PDE1C: variants seen among roughly 807,000 people sequenced by gnomAD.
The protein encoded by PDE1C is phosphodiesterase 1C, also known as dual specificity calcium/calmodulin-dependent 3',5'-cyclic nucleotide phosphodiesterase 1C.
Under a neutral mutation model 93.1 loss-of-function variants are expected in PDE1C, and 62 were observed. The ratio of observed to expected loss-of-function variants is 0.67; its 90% CI spans 0.54 to 0.82. The LOEUF (loss-of-function observed/expected upper bound fraction) is 0.82, where lower values mean the gene tolerates loss of function less well. Among genes scored for constraint, PDE1C ranks in the 40% least tolerant of loss-of-function variants. PDE1C has a pLI of 0.00. For synonymous variants in PDE1C, 325 were observed against 310.1 expected, an observed-to-expected ratio of 1.05 and a Z score of -0.50; for missense variants, 742 against 884.6, an observed-to-expected ratio of 0.84 and a Z score of 2.04.
chr7:31,997,394 A>G (rs1490665941), intron 2 of PDE1C, among the ~76,000 whole-genome samples: 1 of 152,184 alleles, frequency 6.6e-6, no homozygotes, highest in African/African-American at 2.4e-5. Flanking sequence ...CCCACTCACA[A>G]TGGTTGGATT....
chr7:32,005,829 G>A (rs559173658), intron 2 of PDE1C, among the ~76,000 whole-genome samples: 3 of 152,010 alleles, frequency 2.0e-5, no homozygotes, highest in Non-Finnish European at 4.4e-5. Flanking sequence ...TTGGATGTGC[G>A]CATTTTAAAC....
chr7:32,161,153 T>C (rs1158617674), intron 3 of PDE1C, among the ~76,000 whole-genome samples: 1 of 152,210 alleles, frequency 6.6e-6, no homozygotes, highest in Non-Finnish European at 1.5e-5. Context: ...GAAGCATCTA[T>C]GATATACCAG....
chr7:31,909,634 C>T (rs1037840795), intron 2 of PDE1C, among the ~76,000 whole-genome samples: 3 of 152,070 alleles, frequency 2.0e-5, no homozygotes, highest in Admixed American at 1.3e-4. Flanking sequence ...AATATCATAA[C>T]TTATTTGGCA....
the PDE1C span, among the ~76,000 whole-genome samples, chr7:31,689,073 C>T: frequency 6.6e-5 from 10 of 152,150 alleles, no homozygotes; most frequent in Admixed American, 4.6e-4. Context: ...CCTTGAGACC[C>T]CTCTAGAGCT....
intron 1 of PDE1C, among the ~76,000 whole-genome samples, chr7:32,413,277 G>A (rs1052816905): frequency 6.6e-6 from 1 of 152,132 alleles, no homozygotes; most frequent in African/African-American, 2.4e-5. Context: ...TATGTGATAA[G>A]GCAAGTATAT....
At chr7:32,207,851 C>G (rs975825701) in intron 2 of PDE1C, among the ~76,000 whole-genome samples, 1 of 152,174 alleles carries the variant, frequency 6.6e-6, no homozygotes, top group Non-Finnish European at 1.5e-5. Flanking sequence ...CTCCCCCCAA[C>G]CTTCGTCTGT....
the PDE1C span, among the ~76,000 whole-genome samples, chr7:31,630,953 C>G: frequency 6.6e-6 from 1 of 152,012 alleles, no homozygotes; most frequent in Non-Finnish European, 1.5e-5. Context: ...TAGAAACAGT[C>G]TTTTTAGAGA....
chr7:32,305,434 T>C (rs1031215242), intron 1 of PDE1C, among the ~76,000 whole-genome samples: 1 of 152,160 alleles, frequency 6.6e-6, no homozygotes, highest in Non-Finnish European at 1.5e-5. Flanking sequence ...TCTTCCCAGC[T>C]CTGTTAATGA....
chr7:31,648,078 A>C, the PDE1C span, among the ~76,000 whole-genome samples: 1 of 152,164 alleles, frequency 6.6e-6, no homozygotes, highest in Non-Finnish European at 1.5e-5. Flanking sequence ...CAGAAAAGAA[A>C]ATGAGATCTA....
At chr7:31,862,776 C>T (rs529039115) in intron 7 of PDE1C, among the ~76,000 whole-genome samples, 15 of 152,224 alleles carry the variant, frequency 9.9e-5, no homozygotes, top group African/African-American at 2.6e-4. Context: ...TAATAAAGGA[C>T]CCAGCATATA....
intron 7 of PDE1C, among the ~76,000 whole-genome samples, chr7:31,855,439 T>A (rs1793890618): frequency 6.6e-6 from 1 of 152,086 alleles, no homozygotes; most frequent in Admixed American, 6.5e-5. Context: ...TAAATTCTTC[T>A]GATTGTTAGC....
At chr7:31,763,395 T>C (rs550756816) in intron 17 of PDE1C, among the ~76,000 whole-genome samples, 1 of 152,272 alleles carries the variant, frequency 6.6e-6, no homozygotes, top group African/African-American at 2.4e-5. Context: ...AGGATCTTAG[T>C]GCTAAGGTCT....
chr7:31,836,372 G>C (rs933840675), intron 11 of PDE1C, among the ~76,000 whole-genome samples: 1 of 152,028 alleles, frequency 6.6e-6, no homozygotes, highest in African/African-American at 2.4e-5. Flanking sequence ...GTCTCGCGCT[G>C]TCGCCAGGCT....
intron 1 of PDE1C, among the ~76,000 whole-genome samples, chr7:32,374,256 G>GAAAGAAAGA (rs1784389218): frequency 1.5e-4 from 17 of 113,250 alleles, no homozygotes; most frequent in Non-Finnish European, 2.5e-4. Context: ...GAAAGGAAAG[G>GAAAGAAAGA]AAGAAAGAAA....
intron 6 of PDE1C, among the ~76,000 whole-genome samples, chr7:31,870,155 A>C (rs1795754859): frequency 6.6e-6 from 1 of 152,036 alleles, no homozygotes; most frequent in Non-Finnish European, 1.5e-5. Flanking sequence ...AAAAAGTAGA[A>C]AAATTCCAAA....
chr7:31,854,383 A>G (rs1793737281), intron 7 of PDE1C, among the ~76,000 whole-genome samples: 1 of 152,218 alleles, frequency 6.6e-6, no homozygotes, highest in African/African-American at 2.4e-5. Flanking sequence ...GTCAGAAATT[A>G]AAGTCCCACT....
intron 1 of PDE1C, among the ~76,000 whole-genome samples, chr7:32,357,341 A>AAC (rs1456193966): frequency 6.6e-6 from 1 of 151,972 alleles, no homozygotes; most frequent in African/African-American, 2.4e-5. Context: ...CACACACAAA[A>AAC]AAAAAACCTT....
Position 31,977,642 on chromosome 7 carries a change from T to C in PDE1C, c.128+73912A>G, listed in dbSNP as rs569977111. 2.9e-4 allele frequency among the ~76,000 whole-genome samples: 44 copies of C among 152,316 alleles called. No individual in the cohort carries two copies. In the South Asian group the frequency reaches 8.9e-3, roughly 31 times the overall value. ...TGTATCATGCTACACTAATCACTAC[T>C]ATCATAACACTTAGTACAACCTGAT... On this transcript the variant is annotated intron_variant, in intron 2 of 17. Coordinates refer to ENST00000396191, the MANE Select transcript of PDE1C (RefSeq NM_001191057.4).
intron 1 of PDE1C, among the ~76,000 whole-genome samples, chr7:32,350,412 A>G (rs1783939906): frequency 7.0e-6 from 1 of 142,930 alleles, no homozygotes; most frequent in Non-Finnish European, 1.5e-5. Context: ...AGCCAAACAA[A>G]GAACAATTCC....
Sources: gnomAD v4.1 joint callset for allele counts (sites outside exome capture counted in the v4.1 genomes callset) on GRCh38, gnomAD v4.1.1 for gene constraint, MANE v1.5 for transcripts, NCBI Gene and HGNC (gene_info 2026-07-23, HGNC 2026-07-21) for gene names.